DUSP19: variants seen among roughly 807,000 people sequenced by gnomAD.
DUSP19 encodes dual specificity protein phosphatase 19.
Under a neutral mutation model 16.6 loss-of-function variants are expected in DUSP19, and 14 were observed. The observed-to-expected ratio is 0.84, with a 90% CI of 0.56 to 1.32. The LOEUF is 1.32. DUSP19 is among the 40% of genes most tolerant of loss of function. The pLI is 0.00. For missense variants in DUSP19, 258 were observed against 255.9 expected, an observed-to-expected ratio of 1.01 and a Z score of -0.06; for synonymous variants, 81 against 90.5, an observed-to-expected ratio of 0.90 and a Z score of 0.59.
chr2:183,086,847 AAG>A (rs112053945), intron 2 of DUSP19, among the ~76,000 whole-genome samples, 191 bp from the exon 3 acceptor site: 25,099 of 149,956 alleles, frequency 0.17, 2,484 homozygotes, highest in African/African-American at 0.28. Flanking sequence ...AATAAGTTAA[AAG>A]AGAGAGAGAG....
At position 183,079,148 on chromosome 2, in the gene DUSP19, G is replaced by C. The variant is rs1311323362; in HGVS notation, c.215G>C (p.Trp72Ser). Residue 72 changes from tryptophan to serine, a missense_variant, in exon 1 of 4, where the codon TGG becomes TCG. By Grantham distance (177) the Trp-to-Ser change is radical. Coordinates refer to ENST00000354221, the MANE Select transcript of DUSP19 (RefSeq NM_080876.4). ...SDLQVGVIKP[W>S]LLLGSQDAAH... Reference sequence around the variant, plus strand: ...CTGCAAGTTGGCGTTATTAAGCCATGGTTGCTCCTAGGTGAGTATATCGAC... The same window carrying C: ...CTGCAAGTTGGCGTTATTAAGCCATCGTTGCTCCTAGGTGAGTATATCGAC... The C allele has an allele frequency of 1.2e-6, 2 of 1,613,524 alleles. No individual in the cohort carries two copies. The highest frequency in any genetic ancestry group is 8.5e-7 in the Non-Finnish European group (1 of 1,179,762).
rs1699822515 is a variant in DUSP19, at chr2:183,097,805, C to A, written c.*2147C>A. 2 of 152,144 alleles carry A rather than the reference C, an allele frequency of 1.3e-5. No homozygotes were observed. The highest frequency in any genetic ancestry group is 1.5e-5 in the Non-Finnish European group (1 of 68,032). The allele number at this position is 152,144 out of a possible 1,614,324, so 9.4% of individuals were successfully genotyped here. A position where few individuals can be genotyped will look rare whatever the true frequency, so the allele number is the denominator to read the frequency against. ...TGCTAAATCCTGTTTAGTTTTCAGC[C>A]ATTAAATGTCACATGAAGCCTTGAT... is the stretch of plus-strand genomic sequence containing the variant. On this transcript the variant is annotated 3_prime_UTR_variant, in exon 4 of 4. Coordinates refer to ENST00000354221, the MANE Select transcript of DUSP19 (RefSeq NM_080876.4).
intron 1 of DUSP19, among the ~76,000 whole-genome samples, chr2:183,079,626 T>G (rs1025964467): frequency 6.6e-6 from 1 of 152,230 alleles, no homozygotes; most frequent in African/African-American, 2.4e-5. Flanking sequence ...AATACATGCC[T>G]CCTGTGGCCA....
chr2:183,083,354 A>G (rs961681025), intron 1 of DUSP19, 154 bp from the exon 2 acceptor site: 18 of 614,622 alleles, frequency 2.9e-5, no homozygotes, highest in Non-Finnish European at 4.8e-5. Flanking sequence ...TTTATGTAGG[A>G]TGACTGTTAT....
In DUSP19 at chr2:183,098,372, C is replaced by T. The variant is rs552199838; in HGVS notation, c.*2714C>T. 1.2e-4 allele frequency: 19 copies of T among 152,244 alleles called. No individual in the cohort carries two copies. Among genetic ancestry groups the T allele is most frequent in the Admixed American group, 1.2e-3 (19 of 15,276 alleles). The allele number at this position is 152,244 out of a possible 1,614,324, so 9.4% of individuals were successfully genotyped here. A position where few individuals can be genotyped will look rare whatever the true frequency, so the allele number is the denominator to read the frequency against. ...AATAGATCAATGAATATAATTCAGT[C>T]TTTTAGGGGCACCAAGTAAAGCATA... On this transcript the variant is annotated 3_prime_UTR_variant, in exon 4 of 4. Transcript: ENST00000354221.
chr2:183,080,024 G>A (rs1472258887), intron 1 of DUSP19, among the ~76,000 whole-genome samples: 1 of 152,168 alleles, frequency 6.6e-6, no homozygotes, highest in East Asian at 1.9e-4. Context: ...TATCAGCTTT[G>A]TTTTACAAAT....
chr2:183,080,630 C>G (rs1193874950), intron 1 of DUSP19, among the ~76,000 whole-genome samples: 2 of 152,100 alleles, frequency 1.3e-5, no homozygotes, highest in Non-Finnish European at 2.9e-5. Context: ...TATCATTCAC[C>G]AATTTAGGGT....
In DUSP19 at chr2:183,085,847, G is replaced by GTTTTTTTTTTTTT. The variant is rs71008261; in HGVS notation, c.274-1169_274-1157dup. Among the ~76,000 whole-genome samples, 2 of 50,922 alleles carry GTTTTTTTTTTTTT rather than the reference G, an allele frequency of 3.9e-5. 1 individual carries two copies. Among genetic ancestry groups the GTTTTTTTTTTTTT allele is most frequent in the Non-Finnish European group, 7.3e-5 (2 of 27,388 alleles). The allele number at this position is 50,922 out of a possible 152,430, so 33.4% of individuals were successfully genotyped here. On this transcript the variant is annotated intron_variant, in intron 2 of 3. Transcript: ENST00000354221. ...GTACAGATGTGGACAAGGTTGTTAG[G>GTTTTTTTTTTTTT]TTTTTTTTTTTTTTTTTTTTTTTTT...
intron 3 of DUSP19, among the ~76,000 whole-genome samples, chr2:183,094,896 G>T (rs535439092): frequency 6.6e-6 from 1 of 152,126 alleles, no homozygotes; most frequent in Non-Finnish European, 1.5e-5. Context: ...TTTCTGTTTA[G>T]CTTATAGTTA....
At chr2:183,080,304 T>G (rs16823715) in intron 1 of DUSP19, among the ~76,000 whole-genome samples, 9,077 of 152,322 alleles carry the variant, frequency 0.06, 407 homozygotes, top group Non-Finnish European at 0.093. Context: ...CTCCTGAGGT[T>G]GTTGTAAAAG....
intron 3 of DUSP19, among the ~76,000 whole-genome samples, chr2:183,091,940 G>A (rs1199055538): frequency 6.6e-6 from 1 of 152,008 alleles, no homozygotes; most frequent in African/African-American, 2.4e-5. Context: ...TTTTGTATTT[G>A]TCATATTTAC....
intron 3 of DUSP19, among the ~76,000 whole-genome samples, chr2:183,093,198 A>G (rs1397387381): frequency 1.3e-5 from 2 of 152,206 alleles, no homozygotes; most frequent in East Asian, 3.8e-4. Flanking sequence ...ATAACATAGC[A>G]TAATTACTAT....
intron 1 of DUSP19, among the ~76,000 whole-genome samples, chr2:183,082,651 T>C (rs1699607185): frequency 6.6e-6 from 1 of 152,090 alleles, no homozygotes; most frequent in Non-Finnish European, 1.5e-5. Context: ...CTCAAACTCC[T>C]GACCTCAAGT....
chr2:183,093,783 A>T (rs1699763540), intron 3 of DUSP19, among the ~76,000 whole-genome samples: 2 of 152,072 alleles, frequency 1.3e-5, no homozygotes, highest in African/African-American at 4.8e-5. Context: ...TCATAAAGTA[A>T]AGCCGACTAG....
intron 2 of DUSP19, among the ~76,000 whole-genome samples, chr2:183,084,120 G>A (rs930112212): frequency 4.6e-5 from 7 of 152,154 alleles, no homozygotes; most frequent in Middle Eastern, 3.2e-3. Flanking sequence ...AGCAGCTACC[G>A]AACAGCGTTT....
At chr2:183,089,039 A>T (rs1219190731) in intron 3 of DUSP19, among the ~76,000 whole-genome samples, 4 of 152,216 alleles carry the variant, frequency 2.6e-5, no homozygotes, top group African/African-American at 9.6e-5. Flanking sequence ...AAATAAATTT[A>T]AAAAATAAAG....
intron 3 of DUSP19, among the ~76,000 whole-genome samples, chr2:183,091,489 G>A (rs1699731803): frequency 6.6e-6 from 1 of 152,172 alleles, no homozygotes; most frequent in East Asian, 1.9e-4. Flanking sequence ...GTTTCCCAAT[G>A]GCCACTTCAT....
chr2:183,093,336 C>T (rs186619374), intron 3 of DUSP19, among the ~76,000 whole-genome samples: 109 of 152,156 alleles, frequency 7.2e-4, no homozygotes, highest in African/African-American at 2.6e-3. Flanking sequence ...CTACTATATG[C>T]CAAGAATTGC....
chr2:183,081,311 T>G (rs989938939), intron 1 of DUSP19, among the ~76,000 whole-genome samples: 1 of 152,190 alleles, frequency 6.6e-6, no homozygotes, highest in Non-Finnish European at 1.5e-5. Flanking sequence ...AGTGGCACGA[T>G]CTTGGCTCAC....
Sources: gnomAD v4.1 joint callset for allele counts (sites outside exome capture counted in the v4.1 genomes callset) on GRCh38, gnomAD v4.1.1 for gene constraint, MANE v1.5 for transcripts, NCBI Gene and HGNC (gene_info 2026-07-23, HGNC 2026-07-21) for gene names.